Variants in ZNF407 observed in about 807,000 individuals in gnomAD.
ZNF407 encodes the protein zinc finger protein 407.
Under a neutral mutation model 131.2 loss-of-function variants are expected in ZNF407, and 17 were observed. That is an observed-to-expected ratio of 0.13 (90% CI 0.09 to 0.19). ZNF407 has a LOEUF of 0.19. ZNF407 is among the 10% of genes least tolerant of loss of function. ZNF407 has a pLI of 1.00. For synonymous variants in ZNF407, 1,156 were observed against 1,062.0 expected, an observed-to-expected ratio of 1.09 and a Z score of -1.72; for missense variants, 2,681 against 2,830.6, an observed-to-expected ratio of 0.95 and a Z score of 1.20.
At chr18:74,790,561 TA>T (rs1208647383) in intron 4 of ZNF407, among the ~76,000 whole-genome samples, 1 of 152,216 alleles carries the variant, frequency 6.6e-6, no homozygotes, top group Non-Finnish European at 1.5e-5. Context: ...TTATTTCACT[TA>T]AATTACTTTT....
intron 3 of ZNF407, among the ~76,000 whole-genome samples, chr18:74,729,207 G>T (rs547263929): frequency 9.8e-4 from 149 of 152,262 alleles, no homozygotes; most frequent in African/African-American, 3.3e-3. Context: ...ATGGAGTGAT[G>T]GTCCGTGGAA....
intron 4 of ZNF407, among the ~76,000 whole-genome samples, chr18:74,837,924 G>A (rs971493237): frequency 1.3e-5 from 2 of 152,158 alleles, no homozygotes; most frequent in African/African-American, 2.4e-5. Context: ...AAAGTGTTGG[G>A]ATTACAGGCG....
At chr18:75,031,804 AATTACAGG>A (rs1178929325) in intron 8 of ZNF407, among the ~76,000 whole-genome samples, 3 of 152,216 alleles carry the variant, frequency 2.0e-5, no homozygotes, top group African/African-American at 7.2e-5. Flanking sequence ...AATTGTGGGC[AATTACAGG>A]ATTTCAGATT....
At chr18:74,852,091 G>C (rs906768950) in intron 4 of ZNF407, among the ~76,000 whole-genome samples, 9 of 152,092 alleles carry the variant, frequency 5.9e-5, no homozygotes, top group African/African-American at 9.7e-5. Context: ...CCGCGGCAGA[G>C]AATAGGAACG....
intron 4 of ZNF407, among the ~76,000 whole-genome samples, chr18:74,855,728 C>A (rs1320734374): frequency 6.6e-6 from 1 of 152,126 alleles, no homozygotes; most frequent in African/African-American, 2.4e-5. Context: ...TATCTTCTGG[C>A]CTCTTGTATA....
chr18:74,623,085 AGTGT>A (rs557215333), intron 1 of ZNF407, among the ~76,000 whole-genome samples: 3 of 149,222 alleles, frequency 2.0e-5, no homozygotes, highest in South Asian at 2.1e-4. Context: ...TATCTGTATC[AGTGT>A]GTGAGTGCGT....
chr18:74,616,398 G>A (rs2144629437), intron 1 of ZNF407, among the ~76,000 whole-genome samples: 2 of 152,106 alleles, frequency 1.3e-5, no homozygotes, highest in East Asian at 3.9e-4. Context: ...GAACTGCTAA[G>A]TGGAGTAAAG....
intron 3 of ZNF407, among the ~76,000 whole-genome samples, chr18:74,776,416 G>C (rs913330753): frequency 6.6e-6 from 1 of 152,166 alleles, no homozygotes; most frequent in Non-Finnish European, 1.5e-5. Context: ...AGTTCTAGTA[G>C]ATGTTTTCTA....
intron 3 of ZNF407, among the ~76,000 whole-genome samples, chr18:74,671,752 A>G (rs558654835): frequency 6.6e-6 from 1 of 152,274 alleles, no homozygotes; most frequent in Admixed American, 6.5e-5. Flanking sequence ...GTGTGCTGTG[A>G]GGAAGCATAT....
At chr18:74,695,495 A>AT (rs1967330828) in intron 3 of ZNF407, among the ~76,000 whole-genome samples, 1 of 140,388 alleles carries the variant, frequency 7.1e-6, no homozygotes, top group East Asian at 2.1e-4. Flanking sequence ...AGCATTTTTT[A>AT]TTTTTTATTT....
At chr18:75,039,866 AT>A (rs368361927) in intron 8 of ZNF407, among the ~76,000 whole-genome samples, 232 of 147,120 alleles carry the variant, frequency 1.6e-3, no homozygotes, top group African/African-American at 3.7e-3. Context: ...TCCCTAGAGA[AT>A]TTTTTTTTTT....
In ZNF407 at chr18:75,063,662, G is replaced by A. The variant is rs771724071; in HGVS notation, c.5941G>A (p.Ala1981Thr). The A allele has an allele frequency of 4.4e-5, 70 of 1,606,784 alleles. No individual in the cohort carries two copies. Among genetic ancestry groups the A allele is most frequent in the East Asian group, 1.6e-4 (7 of 44,638 alleles). The change falls in exon 9 of 9, where the codon GCT (alanine) becomes ACT (threonine). Residue 1981 changes from alanine (A) to threonine (T), a missense_variant. Physicochemically the swap from Ala to Thr is moderately conservative, Grantham distance 58. Transcript: ENST00000299687. The surrounding 1 kb of genome is among the most constrained non-coding windows in gnomAD (Gnocchi z 6.6). Reference sequence around the variant, plus strand: ...TTTAAACCTCTCGGAGGCTGGAGTCGCTCCCCCCGAGGCATCCTCAGCCCT... The same window carrying A: ...TTTAAACCTCTCGGAGGCTGGAGTCACTCCCCCCGAGGCATCCTCAGCCCT... ...EILNLSEAGVAPPEASSALDA... is the reference protein window; with the variant it reads ...EILNLSEAGVTPPEASSALDA...
chr18:74,623,533 A>C (rs1255517917), intron 1 of ZNF407, among the ~76,000 whole-genome samples: 1 of 152,256 alleles, frequency 6.6e-6, no homozygotes, highest in Non-Finnish European at 1.5e-5. Context: ...ATGCCGCCCT[A>C]GCGTGTGAAA....
At chr18:75,015,776 T>A (rs1274425281) in intron 8 of ZNF407, among the ~76,000 whole-genome samples, 1 of 151,870 alleles carries the variant, frequency 6.6e-6, no homozygotes, top group East Asian at 1.9e-4. Context: ...ACTAGATTTA[T>A]CACTTCAATT....
intron 3 of ZNF407, among the ~76,000 whole-genome samples, chr18:74,643,527 G>C (rs9963721): frequency 0.073 from 11,134 of 151,910 alleles, 433 homozygotes; most frequent in East Asian, 0.12. Flanking sequence ...TTCTCAAATA[G>C]TCTTGATTAA....
intron 8 of ZNF407, among the ~76,000 whole-genome samples, chr18:74,927,932 G>A (rs552783220): frequency 2.4e-4 from 36 of 152,146 alleles, no homozygotes; most frequent in African/African-American, 6.3e-4. Context: ...GAGTAGAAAC[G>A]TATCATTTAA....
chr18:74,605,217 A>G (rs983975802), intron 1 of ZNF407, among the ~76,000 whole-genome samples: 1 of 120,576 alleles, frequency 8.3e-6, no homozygotes, highest in Non-Finnish European at 2.0e-5. Context: ...CACCTCCTTC[A>G]CCCCCAGCTA....
chr18:75,059,155 G>A (rs1973596108), intron 8 of ZNF407, among the ~76,000 whole-genome samples: 6 of 152,164 alleles, frequency 3.9e-5, no homozygotes, highest in Admixed American at 3.9e-4. Flanking sequence ...TCTGGAAGTG[G>A]CTTAACCCAC....
chr18:74,827,941 A>G (rs868494614), intron 4 of ZNF407, among the ~76,000 whole-genome samples: 1 of 152,090 alleles, frequency 6.6e-6, no homozygotes, highest in East Asian at 1.9e-4. Context: ...GATGAACTCT[A>G]CCTTACATTA....
Sources: allele counts gnomAD v4.1 joint callset (sites outside exome capture counted in the v4.1 genomes callset), GRCh38; gene constraint gnomAD v4.1.1; non-coding constraint Gnocchi (gnomAD v3.1); transcripts MANE v1.5; gene names NCBI Gene and HGNC (gene_info 2026-07-23, HGNC 2026-07-21).